GHR: variants seen among roughly 807,000 people sequenced by gnomAD.
The protein encoded by GHR is growth hormone receptor.
In GHR, 35 loss-of-function variants were observed where a neutral mutation model predicts 67.1. The ratio of observed to expected loss-of-function variants is 0.52; its 90% CI spans 0.40 to 0.69. GHR has a LOEUF of 0.69. GHR is among the 30% of genes least tolerant of loss of function. The pLI is 0.00. For missense variants in GHR, 792 were observed against 764.6 expected (o/e 1.04, Z -0.42); for synonymous variants, 272 against 269.1 (o/e 1.01, Z -0.10).
At chr5:42,630,150 T>G (rs1753870271) in intron 3 of GHR, among the ~76,000 whole-genome samples, 1 of 132,440 alleles carries the variant, frequency 7.6e-6, no homozygotes. Context: ...GTGTTAGCCC[T>G]GCATATAGAA....
At chr5:42,646,291 C>A (rs182814831) in intron 3 of GHR, 134 of 451,932 alleles carry the variant, frequency 3.0e-4, no homozygotes, top group African/African-American at 2.6e-3. Context: ...GCAAATTGAA[C>A]CCCAGCACAT....
chr5:42,643,962 G>A (rs572928656), intron 3 of GHR, among the ~76,000 whole-genome samples: 28 of 152,212 alleles, frequency 1.8e-4, no homozygotes, highest in African/African-American at 4.8e-4. Context: ...AATTGCATTT[G>A]AGAATAACTG....
At chr5:42,713,364 G>A (rs1163454353) in intron 7 of GHR, 65 bp from the exon 8 acceptor site, 1 of 771,606 alleles carries the variant, frequency 1.3e-6, no homozygotes, top group Admixed American at 1.8e-5. Flanking sequence ...AAAAGGGAAA[G>A]GGAAATGTAA....
rs372808608 is a variant in GHR, at chr5:42,603,646, AAAAC to A, written c.71-25379_71-25376del. Among the ~76,000 whole-genome samples the A allele has an allele frequency of 4.4e-3, 674 of 152,256 alleles. 4 individuals are homozygous for A. The highest frequency in any genetic ancestry group is 0.016 in the African/African-American group (651 of 41,546). ...TCTTCTCTTGAATACCTTCTGAGTA[AAAAC>A]AAACAAACAAACTGTTTTTCCTCTG... On this transcript the variant is annotated intron_variant, in intron 2 of 9. Coordinates refer to ENST00000230882, the MANE Select transcript of GHR (RefSeq NM_000163.5).
chr5:42,486,778 C>T (rs13154137), intron 1 of GHR, among the ~76,000 whole-genome samples: 1 of 148,924 alleles, frequency 6.7e-6, no homozygotes, highest in East Asian at 2.0e-4. Context: ...ACCCAGGAGG[C>T]GGAGCTTGCA....
chr5:42,508,718 C>T (rs759701739), intron 1 of GHR, among the ~76,000 whole-genome samples: 89 of 152,246 alleles, frequency 5.8e-4, no homozygotes, highest in South Asian at 1.2e-3. Flanking sequence ...GGACTACAAG[C>T]GCCCGCCACC....
intron 1 of GHR, among the ~76,000 whole-genome samples, chr5:42,524,314 G>A (rs1747606761): frequency 6.6e-6 from 1 of 152,132 alleles, no homozygotes; most frequent in Non-Finnish European, 1.5e-5. Flanking sequence ...GGAACTTGTT[G>A]GGAACTGGAG....
At chr5:42,577,740 G>C (rs1246594937) in intron 2 of GHR, among the ~76,000 whole-genome samples, 1 of 152,220 alleles carries the variant, frequency 6.6e-6, no homozygotes, top group South Asian at 2.1e-4. Context: ...GAAATGCATG[G>C]AAGTACCCAG....
At chr5:42,637,550 T>C (rs1202872801) in intron 3 of GHR, among the ~76,000 whole-genome samples, 1 of 152,148 alleles carries the variant, frequency 6.6e-6, no homozygotes, top group Non-Finnish European at 1.5e-5. Context: ...TAAGAACATA[T>C]GGTATTTCGT....
chr5:42,669,052 G>A (rs888349154), intron 3 of GHR, among the ~76,000 whole-genome samples: 4 of 152,160 alleles, frequency 2.6e-5, no homozygotes, highest in Non-Finnish European at 5.9e-5. Flanking sequence ...TTAAGAAACA[G>A]TGACTGAGAT....
chr5:42,627,204 T>G (rs34319505), intron 2 of GHR, among the ~76,000 whole-genome samples: 2,422 of 152,318 alleles, frequency 0.016, 102 homozygotes, highest in East Asian at 0.14. Flanking sequence ...TAAACTTTTT[T>G]TACTGAACTT....
chr5:42,538,172 A>G (rs1307312432), intron 1 of GHR, among the ~76,000 whole-genome samples: 1 of 152,126 alleles, frequency 6.6e-6, no homozygotes, highest in African/African-American at 2.4e-5. Flanking sequence ...TCAGTATGAG[A>G]TGTGTGGTAC....
At chr5:42,594,651 GT>G (rs1751971820) in intron 2 of GHR, among the ~76,000 whole-genome samples, 1 of 152,068 alleles carries the variant, frequency 6.6e-6, no homozygotes, top group African/African-American at 2.4e-5. Context: ...ACTGTCACTT[GT>G]AAAACACTTT....
chr5:42,498,197 G>A (rs576728369), intron 1 of GHR, among the ~76,000 whole-genome samples: 1 of 152,232 alleles, frequency 6.6e-6, no homozygotes, highest in Non-Finnish European at 1.5e-5. Context: ...TCTTTCATAT[G>A]CCTAGAGCCT....
chr5:42,587,645 C>CCTA (rs1165922437), intron 2 of GHR, among the ~76,000 whole-genome samples: 2 of 151,950 alleles, frequency 1.3e-5, no homozygotes, highest in African/African-American at 4.8e-5. Flanking sequence ...GGAATGTGAA[C>CCTA]TTGGGGAAAG....
At chr5:42,601,451 C>A (rs34368022) in intron 2 of GHR, among the ~76,000 whole-genome samples, 5 of 152,056 alleles carry the variant, frequency 3.3e-5, no homozygotes, top group African/African-American at 1.2e-4. Context: ...TTTAAAAAAT[C>A]TCACTCCATT....
chr5:42,692,687 T>A (rs1757474031), intron 4 of GHR, among the ~76,000 whole-genome samples: 1 of 152,190 alleles, frequency 6.6e-6, no homozygotes. Context: ...CAGGGTTTTT[T>A]AAACAGTCCT....
intron 1 of GHR, among the ~76,000 whole-genome samples, chr5:42,543,078 C>T (rs377327720): frequency 5.3e-5 from 8 of 152,140 alleles, no homozygotes; most frequent in Middle Eastern, 3.4e-3. Context: ...CAATTGTGAG[C>T]TGTGCTGTGA....
chr5:42,668,139 A>G (rs1001332020), intron 3 of GHR, among the ~76,000 whole-genome samples: 1 of 152,198 alleles, frequency 6.6e-6, no homozygotes, highest in African/African-American at 2.4e-5. Context: ...GGAATAGCTG[A>G]TGTGATCATC....
Sources: gnomAD v4.1 joint callset for allele counts (sites outside exome capture counted in the v4.1 genomes callset) on GRCh38, gnomAD v4.1.1 for gene constraint, MANE v1.5 for transcripts, NCBI Gene and HGNC (gene_info 2026-07-23, HGNC 2026-07-21) for gene names.